The following MBP variants were observed in gnomAD, a reference collection of about 807,000 sequenced individuals.
The protein encoded by MBP is myelin basic protein.
A neutral mutation model predicts 35.8 loss-of-function variants in MBP; 16 were observed. The observed-to-expected ratio is 0.45, with a 90% CI of 0.30 to 0.68. The LOEUF is 0.68. Ranked by LOEUF, MBP falls within the 30% of genes least tolerant of loss-of-function variation. The probability of loss-of-function intolerance (pLI) is 0.08; values close to 1 mark genes in which losing one functional copy is unlikely to be tolerated. For synonymous variants in MBP, 143 were observed against 159.6 expected (o/e 0.90, Z 0.78); for missense variants, 380 against 404.7 (o/e 0.94, Z 0.52).
chr18:77,111,987 G>C (rs563663061), intron 1 of MBP, among the ~76,000 whole-genome samples: 39 of 152,048 alleles, frequency 2.6e-4, no homozygotes, highest in African/African-American at 8.7e-4. Flanking sequence ...TCTCTCCCCC[G>C]ACGTCCCTCC....
intron 4 of MBP, among the ~76,000 whole-genome samples, chr18:76,994,759 C>T (rs1484832996): frequency 1.3e-5 from 2 of 152,152 alleles, no homozygotes; most frequent in Non-Finnish European, 2.9e-5. Flanking sequence ...TCATACAGAA[C>T]AAAGAATGCA....
rs545177074 is a variant in MBP, at chr18:77,035,566, G to A, written c.140-18298C>T. ...ATGAGAAACGTGCATCACTCATGCA[G>A]AGCTGTCTGTGAACTGTCTTGACCA... On this transcript the variant is annotated intron_variant, in intron 3 of 8. Transcript: ENST00000355994. Among the ~76,000 whole-genome samples, 36 of 152,322 alleles carry A rather than the reference G, an allele frequency of 2.4e-4. No individual in the cohort carries two copies. In the Middle Eastern group the frequency reaches 0.017, roughly 72 times the overall value.
intron 3 of MBP, among the ~76,000 whole-genome samples, chr18:77,039,730 T>C (rs905349120): frequency 6.6e-6 from 1 of 152,200 alleles, no homozygotes; most frequent in Non-Finnish European, 1.5e-5. Flanking sequence ...AAAAACATTC[T>C]GAAATCAGGT....
chr18:77,057,523 C>T (rs1973771075), intron 3 of MBP, among the ~76,000 whole-genome samples: 1 of 152,110 alleles, frequency 6.6e-6, no homozygotes, highest in Admixed American at 6.5e-5. Flanking sequence ...ACGGAAAGGC[C>T]GTGCAGTGAT....
chr18:77,056,606 C>T (rs1973733216), intron 3 of MBP, among the ~76,000 whole-genome samples: 1 of 152,184 alleles, frequency 6.6e-6, no homozygotes, highest in Non-Finnish European at 1.5e-5. Context: ...CCGATGTCCT[C>T]CAGGACTCTC....
At chr18:77,097,068 G>C (rs1355773485) in intron 2 of MBP, among the ~76,000 whole-genome samples, 1 of 152,140 alleles carries the variant, frequency 6.6e-6, no homozygotes, top group Admixed American at 6.5e-5. Context: ...AAGGGTACAG[G>C]GTCCCCAGAG....
rs1190420233 is a variant in MBP, at chr18:77,016,839, G to C, written c.569C>G (p.Ser190Cys). ...CTACTCCTCAGAGCTCACCTTGCCA[G>C]AGCCCCGCTTGGGCGCACCCCTGTC... ...GGDRGAPKRG[S>C]GKDSHHPART... Residue 190 changes from serine (S) to cysteine (C), a missense_variant, in exon 4 of 9, where the codon TCT (serine) becomes TGT (cysteine). Ser to Cys is a moderately radical substitution (Grantham distance 112). Transcript: ENST00000355994. The C allele has an allele frequency of 1.9e-6, 3 of 1,614,082 alleles. No homozygotes were observed. Among genetic ancestry groups the C allele is most frequent in the Non-Finnish European group, 2.5e-6 (3 of 1,180,042 alleles).
At chr18:77,029,229 C>T (rs1297230136) in intron 3 of MBP, among the ~76,000 whole-genome samples, 2 of 146,174 alleles carry the variant, frequency 1.4e-5, no homozygotes, top group African/African-American at 2.5e-5. Flanking sequence ...GCCAACACAG[C>T]GAAACCCCGG....
chr18:77,037,844 G>A (rs553582366), intron 3 of MBP, among the ~76,000 whole-genome samples: 4 of 152,176 alleles, frequency 2.6e-5, no homozygotes, highest in South Asian at 4.1e-4. Flanking sequence ...AGCAGGCGAC[G>A]GGCCTCCGAA....
rs1444899416 is a variant in MBP, at chr18:76,980,157, G to A, written c.*270C>T. Reference sequence around the variant, plus strand: ...TGCACCTGGCCCCCTGAAGACCCACGTGCGTCTGGGGGCACATTGCGGGGG... The same window carrying A: ...TGCACCTGGCCCCCTGAAGACCCACATGCGTCTGGGGGCACATTGCGGGGG... On this transcript the variant is annotated 3_prime_UTR_variant, in exon 9 of 9. Transcript: ENST00000355994. The A allele has an allele frequency of 6.2e-6, 4 of 646,524 alleles. No homozygotes were observed. The highest frequency in any genetic ancestry group is 8.3e-6 in the Non-Finnish European group (3 of 360,364). The allele number at this position is 646,524 out of a possible 1,614,324, so 40.0% of individuals were successfully genotyped here.
rs978847483 is a variant in MBP at position 77,017,234 on chromosome 18, G to A, written c.174C>T (p.Ser58=). The change falls in exon 4 of 9, where the codon TCC becomes TCT. Residue 58 remains serine (S), a synonymous_variant. Coordinates refer to ENST00000355994, the MANE Select transcript of MBP (RefSeq NM_001025101.2). ...EADANQNNGT[S]SQDTAVTDSK... ...AGTCAGTCACCGCTGTGTCCTGAGA[G>A]GAGGTCCCATTGTTCTGGTTCGCAT... The A allele has an allele frequency of 2.0e-6, 3 of 1,516,156 alleles. No individual in the cohort carries two copies. Among genetic ancestry groups the A allele is most frequent in the South Asian group, 1.3e-5 (1 of 74,872 alleles). 93.9% of individuals were successfully genotyped at this position (1,516,156 alleles called of 1,614,324 possible).
At chr18:77,005,585 G>A (rs1970915926) in intron 4 of MBP, 1 of 152,248 alleles carries the variant, frequency 6.6e-6, no homozygotes, top group African/African-American at 2.4e-5. Flanking sequence ...CCCCAACCAT[G>A]GGGCTTTTGA....
intron 3 of MBP, among the ~76,000 whole-genome samples, chr18:77,019,988 G>A (rs961960450): frequency 6.6e-6 from 1 of 152,164 alleles, no homozygotes; most frequent in Admixed American, 6.5e-5. Context: ...AACAGCAGGG[G>A]TATCACAGCC....
chr18:77,118,612 CCACACA>C (rs71174609), intron 1 of MBP, among the ~76,000 whole-genome samples: 30 of 134,280 alleles, frequency 2.2e-4, no homozygotes, highest in East Asian at 2.0e-3. Context: ...TCCACAGACA[CCACACA>C]CACACACACA....
At chr18:77,047,983 C>A (rs920478059) in intron 3 of MBP, among the ~76,000 whole-genome samples, 37 of 152,156 alleles carry the variant, frequency 2.4e-4, no homozygotes, top group African/African-American at 8.2e-4. Context: ...AGCTAGAAAT[C>A]AAATAATTTT....
chr18:77,130,021 C>G (rs1490935571), intron 1 of MBP, among the ~76,000 whole-genome samples: 1 of 146,286 alleles, frequency 6.8e-6, no homozygotes, highest in Non-Finnish European at 1.5e-5. Flanking sequence ...TGCACTCCAG[C>G]CTGGGTGACA....
intron 2 of MBP, among the ~76,000 whole-genome samples, chr18:77,099,163 G>A (rs1002172768): frequency 2.0e-5 from 3 of 152,114 alleles, no homozygotes; most frequent in East Asian, 1.9e-4. Flanking sequence ...CTTATTTAAC[G>A]AGCAATGGGT....
chr18:77,001,926 T>C (rs1403532351), intron 4 of MBP, among the ~76,000 whole-genome samples: 1 of 152,230 alleles, frequency 6.6e-6, no homozygotes, highest in Non-Finnish European at 1.5e-5. Context: ...GTGTTCTTAC[T>C]GACACAGCCA....
At chr18:77,011,596 C>A (rs1436386400) in intron 4 of MBP, among the ~76,000 whole-genome samples, 2 of 152,126 alleles carry the variant, frequency 1.3e-5, no homozygotes, top group African/African-American at 2.4e-5. Flanking sequence ...CGGCTGCCTG[C>A]CACTCCCAGA....
Sources: allele counts gnomAD v4.1 joint callset (sites outside exome capture counted in the v4.1 genomes callset), GRCh38; gene constraint gnomAD v4.1.1; transcripts MANE v1.5; gene names NCBI Gene and HGNC (gene_info 2026-07-23, HGNC 2026-07-21).